CDIN1: variants seen among roughly 807,000 people sequenced by gnomAD.
CDIN1 encodes the protein CDAN1-interacting nuclease 1.
In CDIN1, 33 loss-of-function variants were observed where a neutral mutation model predicts 45.3. The observed-to-expected ratio is 0.73, with a 90% CI of 0.55 to 0.97. CDIN1 has a LOEUF of 0.97. CDIN1 is among the 50% of genes least tolerant of loss of function. CDIN1 has a pLI of 0.00. For missense variants in CDIN1, 303 were observed against 339.4 expected (o/e 0.89, Z 0.84); for synonymous variants, 118 against 124.4 (o/e 0.95, Z 0.34).
At chr15:36,748,337 GTT>G (rs2044520171) in intron 10 of CDIN1, among the ~76,000 whole-genome samples, 1 of 152,218 alleles carries the variant, frequency 6.6e-6, no homozygotes, top group Non-Finnish European at 1.5e-5. Flanking sequence ...CCGGGTCTTA[GTT>G]TGTGACTTTG....
chr15:36,714,446 C>T (rs149399745), intron 10 of CDIN1, among the ~76,000 whole-genome samples: 158 of 152,148 alleles, frequency 1.0e-3, no homozygotes, highest in African/African-American at 3.7e-3. Context: ...TGAAACTGGG[C>T]CTGGAGCAAG....
chr15:36,645,865 G>C (rs1176533314), intron 3 of CDIN1, among the ~76,000 whole-genome samples: 1 of 151,856 alleles, frequency 6.6e-6, no homozygotes, highest in Non-Finnish European at 1.5e-5. Flanking sequence ...GACAACCTTG[G>C]GTATTAAATC....
At chr15:36,763,178 C>G (rs937695579) in intron 10 of CDIN1, among the ~76,000 whole-genome samples, 2 of 152,110 alleles carry the variant, frequency 1.3e-5, no homozygotes, top group East Asian at 1.9e-4. Flanking sequence ...TTTTAATGAT[C>G]GCCATTCTAA....
At chr15:36,604,269 C>T (rs1406265367) in intron 1 of CDIN1, among the ~76,000 whole-genome samples, 5 of 91,648 alleles carry the variant, frequency 5.5e-5, no homozygotes, top group Non-Finnish European at 1.4e-4. Flanking sequence ...ATGAAAGCCA[C>T]CTGGCTTTTT....
chr15:36,734,399 A>ATTT (rs5811933), intron 10 of CDIN1: 21 of 387,766 alleles, frequency 5.4e-5, no homozygotes, highest in South Asian at 1.4e-4. Context: ...AACTTTTATA[A>ATTT]TTTTTTTTTT....
chr15:36,790,831 GCTCT>G (rs1466356332), intron 10 of CDIN1, among the ~76,000 whole-genome samples: 6 of 152,086 alleles, frequency 3.9e-5, no homozygotes, highest in African/African-American at 9.7e-5. Flanking sequence ...AGCACCAATG[GCTCT>G]CTTTCTTGTT....
Position 36,726,869 on chromosome 15 carries a change from A to G in CDIN1, c.716+16908A>G, listed in dbSNP as rs549667715. On this transcript the variant is annotated intron_variant, in intron 10 of 10. Coordinates refer to ENST00000566621, the MANE Select transcript of CDIN1 (RefSeq NM_001321759.2). ...AAACAATCTTTTAACAGGGTTTATC[A>G]GCGACTTAATTTCTATACATATCTT... Among the ~76,000 whole-genome samples the G allele has an allele frequency of 7.9e-5, 12 of 152,272 alleles. No individual in the cohort carries two copies. The South Asian group carries it at 2.5e-3, about 32-fold the overall frequency.
At chr15:36,686,483 G>A (rs1378692082) in intron 5 of CDIN1, among the ~76,000 whole-genome samples, 4 of 149,700 alleles carry the variant, frequency 2.7e-5, no homozygotes, top group African/African-American at 4.9e-5. Flanking sequence ...TGGGTGCAGT[G>A]CACCAGCATG....
chr15:36,808,492 G>A lies in CDIN1; in HGVS notation c.*39G>A. On this transcript the variant is annotated 3_prime_UTR_variant, in exon 11 of 11. Transcript: ENST00000566621. ...GGAAGAGAAGCTGGGAGGAAAAGGT[G>A]AATCCGGAAGCAATTTTACTTTCCT... 1.9e-6 allele frequency: 3 copies of A among 1,608,942 alleles called. No individual in the cohort carries two copies. The highest frequency in any genetic ancestry group is 2.5e-6 in the Non-Finnish European group (3 of 1,177,270).
intron 10 of CDIN1, among the ~76,000 whole-genome samples, chr15:36,782,102 G>A (rs2054367878): frequency 6.6e-6 from 1 of 152,098 alleles, no homozygotes; most frequent in Admixed American, 6.6e-5. Flanking sequence ...TTTCCATGAA[G>A]CTGATAATTA....
At chr15:36,611,296 A>G (rs2038638287) in intron 1 of CDIN1, among the ~76,000 whole-genome samples, 1 of 152,214 alleles carries the variant, frequency 6.6e-6, no homozygotes, top group African/African-American at 2.4e-5. Context: ...CCTTTTGAAT[A>G]TAAAAGTCTT....
chr15:36,733,827 C>T (rs1181289094), intron 10 of CDIN1, among the ~76,000 whole-genome samples: 1 of 152,112 alleles, frequency 6.6e-6, no homozygotes, highest in Non-Finnish European at 1.5e-5. Flanking sequence ...AGAAGGCATT[C>T]AAGCGTGGTT....
chr15:36,582,240 C>T (rs1188810709), intron 1 of CDIN1, among the ~76,000 whole-genome samples: 2 of 152,114 alleles, frequency 1.3e-5, no homozygotes, highest in Non-Finnish European at 2.9e-5. Flanking sequence ...ATGGTGTTCC[C>T]TAGAAAAAGT....
chr15:36,640,362 C>T (rs1247365343), intron 1 of CDIN1, among the ~76,000 whole-genome samples: 1 of 152,120 alleles, frequency 6.6e-6, no homozygotes, highest in Non-Finnish European at 1.5e-5. Flanking sequence ...GTATTCTTCA[C>T]AGGTTTAGAG....
rs547336601 is a variant in CDIN1 at position 36,765,061 on chromosome 15, C to CTT, written c.717-43251_717-43250dup. 1.4e-4 allele frequency among the ~76,000 whole-genome samples: 20 copies of CTT among 143,312 alleles called. 1 individual carries two copies. The highest frequency in any genetic ancestry group is 1.2e-3 in the East Asian group (6 of 4,908). 94.0% of individuals were successfully genotyped at this position (143,312 alleles called of 152,430 possible). On this transcript the variant is annotated intron_variant, in intron 10 of 10. Transcript: ENST00000566621. ...TCTTTTCTTTTATTTTTCTTTCTTT[C>CTT]TTTTTTTTTTTTTAGATGGAGTCTC...
At chr15:36,775,971 C>T (rs929406578) in intron 10 of CDIN1, among the ~76,000 whole-genome samples, 1 of 152,122 alleles carries the variant, frequency 6.6e-6, no homozygotes, top group East Asian at 1.9e-4. Flanking sequence ...CATGAAAATC[C>T]ATCTGTGGAA....
At chr15:36,652,815 A>G (rs543915614) in intron 3 of CDIN1, among the ~76,000 whole-genome samples, 1 of 152,332 alleles carries the variant, frequency 6.6e-6, no homozygotes, top group African/African-American at 2.4e-5. Flanking sequence ...ATGAAATAAT[A>G]TAATTTAGTA....
At chr15:36,720,115 A>G (rs1283046681) in intron 10 of CDIN1, among the ~76,000 whole-genome samples, 1 of 150,320 alleles carries the variant, frequency 6.7e-6, no homozygotes, top group East Asian at 1.9e-4. Flanking sequence ...TTGGTGTGTA[A>G]TCATACATTA....
At chr15:36,799,950 T>C (rs1259594518) in intron 10 of CDIN1, 2 of 152,206 alleles carry the variant, frequency 1.3e-5, no homozygotes, top group East Asian at 1.9e-4. Context: ...ATAGCATCTA[T>C]CTATATCCAA....
Sources: allele counts gnomAD v4.1 joint callset (sites outside exome capture counted in the v4.1 genomes callset), GRCh38; gene constraint gnomAD v4.1.1; transcripts MANE v1.5; gene names NCBI Gene and HGNC (gene_info 2026-07-23, HGNC 2026-07-21).